Variants in JAK1 observed in about 807,000 individuals in gnomAD.
The protein encoded by JAK1 is Janus kinase 1.
A neutral mutation model predicts 136.6 loss-of-function variants in JAK1; 16 were observed. That is an observed-to-expected ratio of 0.12 (90% CI 0.08 to 0.18). The LOEUF (loss-of-function observed/expected upper bound fraction) is 0.18, where lower values mean the gene tolerates loss of function less well. JAK1 is among the 10% of genes least tolerant of loss of function. JAK1 has a pLI of 1.00. For missense variants in JAK1, 859 were observed against 1,450.1 expected (o/e 0.59, Z 6.62); for synonymous variants, 492 against 519.5 (o/e 0.95, Z 0.72).
chr1:64,949,738 G>C (rs1646048622), intron 1 of JAK1, among the ~76,000 whole-genome samples: 2 of 152,104 alleles, frequency 1.3e-5, no homozygotes, highest in African/African-American at 4.8e-5. Flanking sequence ...TAATTTTCCA[G>C]AATTACATAC....
At chr1:64,906,314 A>C (rs1427772004) in intron 1 of JAK1, among the ~76,000 whole-genome samples, 1 of 151,906 alleles carries the variant, frequency 6.6e-6, no homozygotes. Flanking sequence ...AAAAAAAAAA[A>C]AATCCCAACT....
chr1:65,003,938 T>TTTTTG (rs1322769014), intron 2 of JAK1: 1 of 152,198 alleles, frequency 6.6e-6, no homozygotes, highest in African/African-American at 2.4e-5. Flanking sequence ...AAATAACACT[T>TTTTTG]TTTTGTTTTG....
At chr1:64,840,943 T>G (rs1012118583) in intron 19 of JAK1, among the ~76,000 whole-genome samples, 1 of 152,200 alleles carries the variant, frequency 6.6e-6, no homozygotes, top group African/African-American at 2.4e-5. Flanking sequence ...TCTCTCCCTC[T>G]TTCCATTCTC....
At chr1:64,919,016 C>A (rs1570772940) in intron 1 of JAK1, among the ~76,000 whole-genome samples, 1 of 151,812 alleles carries the variant, frequency 6.6e-6, no homozygotes, top group East Asian at 1.9e-4. Flanking sequence ...GCTCCTTTTA[C>A]CTTTTTTTTT....
At chr1:64,840,443 C>T (rs779809316) in intron 19 of JAK1, among the ~76,000 whole-genome samples, 5 of 152,212 alleles carry the variant, frequency 3.3e-5, no homozygotes, top group Non-Finnish European at 7.3e-5. Context: ...TCAGTAGCTT[C>T]TCTAGTCACA....
In JAK1 at chr1:64,908,212, T is replaced by C. The variant is rs373950203; in HGVS notation, c.-77-21871A>G. On this transcript the variant is annotated intron_variant, in intron 1 of 24. Coordinates refer to ENST00000342505, the MANE Select transcript of JAK1 (RefSeq NM_002227.4). ...ATGCACTAATCACAAGTAATTCTTA[T>C]CAAATTCTTAAACATTAAACCTCTA... Among the ~76,000 whole-genome samples the C allele has an allele frequency of 1.3e-4, 20 of 152,306 alleles. No individual in the cohort carries two copies. In the East Asian group the frequency reaches 2.9e-3, roughly 22 times the overall value.
At chr1:64,902,085 G>A (rs1178413510) in intron 1 of JAK1, among the ~76,000 whole-genome samples, 1 of 152,094 alleles carries the variant, frequency 6.6e-6, no homozygotes, top group African/African-American at 2.4e-5. Context: ...AATATTATCA[G>A]GGGTGTATTC....
At chr1:64,855,360 G>C in intron 11 of JAK1, 149 bp downstream of exon 11, 1 of 679,642 alleles carries the variant, frequency 1.5e-6, no homozygotes, top group Non-Finnish European at 2.4e-6. Context: ...TGTGAGTTGG[G>C]CACAGAAGTG....
intron 1 of JAK1, among the ~76,000 whole-genome samples, chr1:64,962,263 A>G (rs916291208): frequency 2.6e-5 from 4 of 152,254 alleles, no homozygotes; most frequent in Admixed American, 6.5e-5. Context: ...AATGTATAAA[A>G]TGCTAGTGTG....
At chr1:65,047,273 ATAAC>A (rs939710333) in intron 1 of JAK1, among the ~76,000 whole-genome samples, 1 of 152,210 alleles carries the variant, frequency 6.6e-6, no homozygotes, top group African/African-American at 2.4e-5. Flanking sequence ...GAAATTAAAA[ATAAC>A]TACTTCCCCT....
intron 2 of JAK1, among the ~76,000 whole-genome samples, chr1:65,007,819 C>T (rs1277555714): frequency 2.0e-5 from 3 of 151,716 alleles, no homozygotes; most frequent in African/African-American, 4.9e-5. Flanking sequence ...GATCTTGGCT[C>T]ACTGCAACCT....
intron 10 of JAK1, 132 bp downstream of exon 10, chr1:64,857,524 G>T: frequency 8.0e-7 from 1 of 1,253,508 alleles, no homozygotes; most frequent in Admixed American, 2.3e-5. Flanking sequence ...ACCTCCCAGG[G>T]ATCTTCTCAG....
chr1:65,056,489 C>T (rs1354527191), intron 1 of JAK1, among the ~76,000 whole-genome samples: 1 of 152,190 alleles, frequency 6.6e-6, no homozygotes, highest in Non-Finnish European at 1.5e-5. Context: ...AAGAAAGAAC[C>T]TCTCTGTACG....
At position 64,844,335 on chromosome 1, in the gene JAK1, C is replaced by T; in HGVS notation, c.2252-120G>A. 1 of 1,298,750 alleles carries T rather than the reference C, an allele frequency of 7.7e-7. No homozygotes were observed. The highest frequency in any genetic ancestry group is 1.8e-5 in the Admixed American group (1 of 55,960). 80.5% of individuals were successfully genotyped at this position (1,298,750 alleles called of 1,614,324 possible). On this transcript the variant is annotated intron_variant, in intron 16 of 24. Coordinates refer to ENST00000342505, the MANE Select transcript of JAK1 (RefSeq NM_002227.4). The surrounding 1 kb of genome is among the most constrained non-coding windows in gnomAD (Gnocchi z 5.7). ...AACTACTTCAAGCAGTGTGCCCAAA[C>T]ATGGCCCATGGCCACATAGGCCCTG...
chr1:64,937,237 A>C (rs1645805925), intron 1 of JAK1, among the ~76,000 whole-genome samples: 1 of 152,102 alleles, frequency 6.6e-6, no homozygotes, highest in African/African-American at 2.4e-5. Context: ...ACTTACACCC[A>C]CAGAAAACTC....
chr1:65,053,118 G>C lies in JAK1; in HGVS notation c.-180-8536C>G, dbSNP rs911986289. On this transcript the variant is annotated intron_variant, in intron 1 of 25. Coordinates refer to the JAK1 transcript ENST00000671954. ...CCCAGCACTTTGGGAGGCTGAGGTA[G>C]GCAGATCACCTGAGGTCAGGAGTTT... 4.0e-5 allele frequency among the ~76,000 whole-genome samples: 6 copies of C among 151,744 alleles called. No individual in the cohort carries two copies. The South Asian group carries it at 1.2e-3, about 31-fold the overall frequency.
intron 21 of JAK1, 53 bp downstream of exon 21, chr1:64,838,412 C>G: frequency 6.3e-7 from 1 of 1,587,650 alleles, no homozygotes; most frequent in African/African-American, 1.3e-5. Context: ...ACCAATTACC[C>G]AGGACAGAGT....
intron 13 of JAK1, 88 bp from the exon 14 acceptor site, chr1:64,846,824 C>T: frequency 1.0e-6 from 1 of 991,938 alleles, no homozygotes; most frequent in South Asian, 1.4e-5. Flanking sequence ...AGCCAGTGGA[C>T]CCAGGAAAGC....
At chr1:65,059,016 A>G (rs1207241638) in intron 1 of JAK1, among the ~76,000 whole-genome samples, 3 of 152,212 alleles carry the variant, frequency 2.0e-5, no homozygotes, top group East Asian at 1.9e-4. Context: ...CAAACATTCA[A>G]AACTGCTCTA....
Sources: gnomAD v4.1 joint callset for allele counts (sites outside exome capture counted in the v4.1 genomes callset) on GRCh38, gnomAD v4.1.1 for gene constraint, Gnocchi (gnomAD v3.1) non-coding constraint, MANE v1.5 for transcripts, NCBI Gene and HGNC (gene_info 2026-07-23, HGNC 2026-07-21) for gene names.